Variants in L3MBTL3 observed in about 807,000 individuals in gnomAD.
L3MBTL3 encodes the protein L3MBTL histone methyl-lysine binding protein 3.
A neutral mutation model predicts 102.3 loss-of-function variants in L3MBTL3; 27 were observed. The observed-to-expected ratio is 0.26, with a 90% CI of 0.19 to 0.36. The LOEUF (loss-of-function observed/expected upper bound fraction) is 0.36. Ranked by LOEUF, L3MBTL3 falls within the 10% of genes least tolerant of loss-of-function variation. The probability of loss-of-function intolerance (pLI) is 1.00; values close to 1 mark genes in which losing one functional copy is unlikely to be tolerated. For synonymous variants in L3MBTL3, 340 were observed against 320.9 expected, an observed-to-expected ratio of 1.06 and a Z score of -0.64; for missense variants, 798 against 955.3, an observed-to-expected ratio of 0.84 and a Z score of 2.17.
chr6:130,096,683 C>T (rs938277024), intron 18 of L3MBTL3, among the ~76,000 whole-genome samples: 1 of 152,132 alleles, frequency 6.6e-6, no homozygotes, highest in Non-Finnish European at 1.5e-5. Flanking sequence ...GGTGGACCTC[C>T]GAGGGTTCCT....
At chr6:130,138,768 C>CTT (rs35404490) in intron 22 of L3MBTL3, among the ~76,000 whole-genome samples, 1 of 148,804 alleles carries the variant, frequency 6.7e-6, no homozygotes. Flanking sequence ...GAAAGGGAAA[C>CTT]TTTTTTTTTT....
Position 130,083,679 on chromosome 6 carries a change from C to T in L3MBTL3, c.1381C>T (p.Pro461Ser). 1.3e-6 allele frequency: 2 copies of T among 1,546,042 alleles called. No homozygotes were observed. The highest frequency in any genetic ancestry group is 4.9e-5 in the East Asian group (2 of 41,024). ...DKYLEETNSL[P>S]APARAFKVKP... The stretch of plus-strand genomic sequence containing the variant: ...ATACTTAGAAGAAACCAATTCTTTA[C>T]CTGCTCCTGCAAGAGCTTTCAAAGT... Residue 461 changes from proline to serine, a missense_variant, in exon 15 of 23, where the codon CCT becomes TCT. Physicochemically the swap from Pro to Ser is moderately conservative, Grantham distance 74. Around this residue, in one of 4 missense-constraint regions of L3MBTL3, gnomAD observed 306 missense variants for 314.4 expected, o/e 0.97. Transcript: ENST00000361794.
At position 130,141,016 on chromosome 6, in the gene L3MBTL3, G is replaced by A. The variant is rs1043985962; in HGVS notation, c.*1263G>A. 1.3e-5 allele frequency: 2 copies of A among 152,582 alleles called. No homozygotes were observed. Among genetic ancestry groups the A allele is most frequent in the African/African-American group, 4.8e-5 (2 of 41,458 alleles). 9.5% of individuals were successfully genotyped at this position (152,582 alleles called of 1,614,324 possible). On this transcript the variant is annotated 3_prime_UTR_variant, in exon 23 of 23. Coordinates refer to ENST00000361794, the MANE Select transcript of L3MBTL3 (RefSeq NM_032438.4). ...TGATTATAAATTGATAGCTGGTAGT[G>A]TTTCTTTTGCAAGAATGCATTTCTA...
chr6:130,105,582 A>G (rs760798665), intron 19 of L3MBTL3, among the ~76,000 whole-genome samples: 49 of 145,642 alleles, frequency 3.4e-4, no homozygotes, highest in Admixed American at 1.9e-3. Flanking sequence ...GGATCATGAC[A>G]CTGCACTTCA....
At chr6:130,058,563 A>G (rs1424827167) in intron 9 of L3MBTL3, among the ~76,000 whole-genome samples, 5 of 152,206 alleles carry the variant, frequency 3.3e-5, no homozygotes, top group East Asian at 1.9e-4. Context: ...AGCCGGGACA[A>G]CAGAGCAAGA....
intron 2 of L3MBTL3, among the ~76,000 whole-genome samples, chr6:130,030,846 GGAT>G (rs1244595594): frequency 1.4e-5 from 2 of 142,748 alleles, no homozygotes; most frequent in African/African-American, 5.3e-5. Flanking sequence ...TGTGAAATGA[GGAT>G]GATAATGTTT....
chr6:130,063,224 G>T (rs2114932398), intron 10 of L3MBTL3, among the ~76,000 whole-genome samples: 1 of 152,304 alleles, frequency 6.6e-6, no homozygotes, highest in African/African-American at 2.4e-5. Flanking sequence ...CGTGGATACA[G>T]AGAGGCTTGT....
At chr6:130,128,344 A>G (rs937401423) in intron 20 of L3MBTL3, among the ~76,000 whole-genome samples, 1 of 152,136 alleles carries the variant, frequency 6.6e-6, no homozygotes, top group African/African-American at 2.4e-5. Context: ...GATTCCATTT[A>G]TCTTGCTGCT....
chr6:130,034,278 C>T (rs577526360), intron 2 of L3MBTL3, among the ~76,000 whole-genome samples: 2 of 152,042 alleles, frequency 1.3e-5, no homozygotes, highest in African/African-American at 2.4e-5. Context: ...TCAATGTCCG[C>T]AGCCAGTCAC....
chr6:130,100,663 A>G (rs1243020730), intron 18 of L3MBTL3, among the ~76,000 whole-genome samples: 1 of 151,146 alleles, frequency 6.6e-6, no homozygotes, highest in Non-Finnish European at 1.5e-5. Context: ...AAAAAAAAAG[A>G]TATTTAAATG....
intron 7 of L3MBTL3, among the ~76,000 whole-genome samples, chr6:130,054,460 A>G (rs374227494): frequency 1.3e-5 from 2 of 152,222 alleles, no homozygotes; most frequent in African/African-American, 4.8e-5. Flanking sequence ...GCAGTAGACA[A>G]CGTAAGAAGG....
chr6:130,118,101 G>C (rs1785855125), intron 19 of L3MBTL3, among the ~76,000 whole-genome samples: 1 of 152,000 alleles, frequency 6.6e-6, no homozygotes, highest in South Asian at 2.1e-4. Context: ...ACAATTTGGA[G>C]AATAAGTTTA....
chr6:130,123,624 G>T (rs996471684), intron 20 of L3MBTL3, among the ~76,000 whole-genome samples: 3 of 152,098 alleles, frequency 2.0e-5, no homozygotes, highest in Non-Finnish European at 2.9e-5. Context: ...TATCTATAGT[G>T]AAAATATGTT....
At chr6:130,039,325 G>C (rs913634884) in intron 2 of L3MBTL3, among the ~76,000 whole-genome samples, 6 of 151,782 alleles carry the variant, frequency 4.0e-5, no homozygotes, top group Non-Finnish European at 7.4e-5. Context: ...TTAAAAAAAA[G>C]CAACAGTATT....
chr6:130,060,237 A>G (rs1781802573), intron 10 of L3MBTL3, 97 bp downstream of exon 10: 1 of 692,012 alleles, frequency 1.4e-6, no homozygotes, highest in South Asian at 2.0e-5. Flanking sequence ...CATGCCAGGC[A>G]TGGTGCTTAC....
chr6:130,045,420 G>A (rs1461258881), intron 3 of L3MBTL3, among the ~76,000 whole-genome samples: 7 of 152,206 alleles, frequency 4.6e-5, no homozygotes, highest in Non-Finnish European at 4.4e-5. Context: ...AATAGAGAAC[G>A]TACTCTCTGC....
chr6:130,085,351 T>G (rs974943627), intron 15 of L3MBTL3, among the ~76,000 whole-genome samples: 2 of 152,190 alleles, frequency 1.3e-5, no homozygotes, highest in African/African-American at 4.8e-5. Context: ...ATTTTCTGTT[T>G]TAAAGATATC....
intron 6 of L3MBTL3, among the ~76,000 whole-genome samples, chr6:130,052,444 A>G (rs1046023485): frequency 9.2e-5 from 14 of 152,154 alleles, no homozygotes; most frequent in African/African-American, 2.7e-4. Flanking sequence ...ATGTTTCACA[A>G]TGTTACACTT....
chr6:130,025,954 C>G (rs1222479240), intron 2 of L3MBTL3, among the ~76,000 whole-genome samples: 2 of 151,946 alleles, frequency 1.3e-5, no homozygotes, highest in African/African-American at 4.8e-5. Flanking sequence ...GGGAGATAAC[C>G]CATACACATA....
Sources: gnomAD v4.1 joint callset for allele counts (sites outside exome capture counted in the v4.1 genomes callset) on GRCh38, gnomAD v4.1.1 for gene constraint, gnomAD v4.1.1 regional missense constraint, MANE v1.5 for transcripts, NCBI Gene and HGNC (gene_info 2026-07-23, HGNC 2026-07-21) for gene names.